CLVS1: variants seen among roughly 807,000 people sequenced by gnomAD.
The protein encoded by CLVS1 is clavesin-1.
A neutral mutation model predicts 33.1 loss-of-function variants in CLVS1; 10 were observed. The ratio of observed to expected loss-of-function variants is 0.30; its 90% confidence interval spans 0.19 to 0.51. The LOEUF is 0.51. Ranked by LOEUF, CLVS1 falls within the 20% of genes least tolerant of loss-of-function variation. The pLI, the probability that CLVS1 is intolerant of heterozygous loss-of-function variation, is 0.97. For synonymous variants in CLVS1, 163 were observed against 166.1 expected (o/e 0.98, Z 0.14); for missense variants, 343 against 433.4 (o/e 0.79, Z 1.85).
intron 2 of CLVS1, among the ~76,000 whole-genome samples, chr8:61,228,728 C>T (rs1280049064): frequency 6.6e-6 from 1 of 152,166 alleles, no homozygotes; most frequent in Non-Finnish European, 1.5e-5. Flanking sequence ...AACAGACTTT[C>T]CTTTTTTAAG....
At chr8:61,058,408 C>A (rs1307111617) in intron 1 of CLVS1, among the ~76,000 whole-genome samples, 1 of 152,146 alleles carries the variant, frequency 6.6e-6, no homozygotes, top group Non-Finnish European at 1.5e-5. Flanking sequence ...CTCTCTTTTT[C>A]TGGTCCAGAA....
chr8:61,106,980 C>T (rs1805549359), intron 1 of CLVS1, among the ~76,000 whole-genome samples: 2 of 152,144 alleles, frequency 1.3e-5, no homozygotes, highest in Admixed American at 1.3e-4. Context: ...GTGCTCAGGC[C>T]ATGACAGTTC....
intron 5 of CLVS1, among the ~76,000 whole-genome samples, chr8:61,480,952 G>C (rs765495157): frequency 6.6e-6 from 1 of 152,116 alleles, no homozygotes; most frequent in Non-Finnish European, 1.5e-5. Context: ...ACATGGAAGA[G>C]GAATATTGTT....
At chr8:61,010,896 C>T in the CLVS1 span, among the ~76,000 whole-genome samples, 1 of 152,220 alleles carries the variant, frequency 6.6e-6, no homozygotes, top group African/African-American at 2.4e-5. Flanking sequence ...AGCAGCGCAG[C>T]GCCTGGCTGG....
intron 2 of CLVS1, among the ~76,000 whole-genome samples, chr8:61,250,291 A>G (rs978278297): frequency 6.6e-6 from 1 of 152,196 alleles, no homozygotes; most frequent in African/African-American, 2.4e-5. Flanking sequence ...CTATTTTGGT[A>G]TCAGTACCAT....
rs1234421560 is a variant in CLVS1, at chr8:61,299,823, G to A, written c.-5G>A. On this transcript the variant is annotated 5_prime_UTR_variant, in exon 2 of 6. Transcript: ENST00000325897. ...GGGCCACAGTTTCAGCAGACCATCA[G>A]GTGAATGGGACCAGTCTCTCTTCTT... is the stretch of plus-strand genomic sequence containing the variant. The A allele has an allele frequency of 6.2e-7, 1 of 1,601,292 alleles. No homozygotes were observed. The highest frequency in any genetic ancestry group is 1.7e-5 in the Admixed American group (1 of 59,328).
At chr8:61,136,011 T>C (rs1806185942) in intron 2 of CLVS1, among the ~76,000 whole-genome samples, 1 of 152,238 alleles carries the variant, frequency 6.6e-6, no homozygotes, top group South Asian at 2.1e-4. Context: ...CACATCAGCA[T>C]CACTTGGGAA....
chr8:61,104,800 A>G (rs1805505038), intron 1 of CLVS1, among the ~76,000 whole-genome samples: 1 of 152,110 alleles, frequency 6.6e-6, no homozygotes, highest in Admixed American at 6.6e-5. Flanking sequence ...TACACTGTGT[A>G]CCACTGTGCT....
At chr8:61,495,478 A>G (rs1001190438) in intron 5 of CLVS1, among the ~76,000 whole-genome samples, 1 of 152,234 alleles carries the variant, frequency 6.6e-6, no homozygotes, top group Non-Finnish European at 1.5e-5. Context: ...TGGCTCCCAA[A>G]ACAGGGAAAG....
intron 2 of CLVS1, among the ~76,000 whole-genome samples, chr8:61,356,739 A>G (rs1812724276): frequency 6.6e-6 from 1 of 152,072 alleles, no homozygotes; most frequent in Admixed American, 6.6e-5. Context: ...GTGCGGCATT[A>G]TTTCTGAGGG....
intron 2 of CLVS1, among the ~76,000 whole-genome samples, chr8:61,341,098 A>G (rs2129598187): frequency 6.6e-6 from 1 of 152,356 alleles, no homozygotes; most frequent in South Asian, 2.1e-4. Context: ...CATACCTTTA[A>G]TGCACTGAAA....
intron 3 of CLVS1, among the ~76,000 whole-genome samples, chr8:61,448,713 A>C (rs988876243): frequency 8.2e-6 from 1 of 122,232 alleles, no homozygotes; most frequent in Admixed American, 8.0e-5. Context: ...CTCTCTCTCA[A>C]AAAAAAAAAA....
chr8:60,994,357 T>C, the CLVS1 span, among the ~76,000 whole-genome samples: 1 of 152,252 alleles, frequency 6.6e-6, no homozygotes, highest in East Asian at 1.9e-4. Context: ...CTTCAATATA[T>C]AAATTTGAGG....
Position 61,084,127 on chromosome 8 carries a change from A to T in CLVS1, c.-243+26897A>T, listed in dbSNP as rs137965597. Among the ~76,000 whole-genome samples the T allele has an allele frequency of 4.7e-3, 711 of 152,350 alleles. 9 individuals carry two copies. Among genetic ancestry groups the T allele is most frequent in the African/African-American group, 0.016 (675 of 41,578 alleles). On this transcript the variant is annotated intron_variant, in intron 1 of 2. Coordinates refer to the CLVS1 transcript ENST00000522621. The stretch of plus-strand genomic sequence containing the variant: ...GATTGAGAATTCAATACCAGACAAG[A>T]TAACACTTACCTGGCAGAATAAAAG...
At chr8:61,004,610 A>G in the CLVS1 span, among the ~76,000 whole-genome samples, 1 of 152,222 alleles carries the variant, frequency 6.6e-6, no homozygotes, top group South Asian at 2.1e-4. Flanking sequence ...GGCTCTGCAG[A>G]AGGGCAGGCT....
chr8:61,277,596 T>C (rs1197804441), intron 2 of CLVS1, among the ~76,000 whole-genome samples: 3 of 152,156 alleles, frequency 2.0e-5, no homozygotes, highest in East Asian at 1.9e-4. Flanking sequence ...AGGTGCTTTA[T>C]ATATATGGCC....
intron 2 of CLVS1, among the ~76,000 whole-genome samples, chr8:61,133,672 G>A (rs753009534): frequency 6.6e-6 from 1 of 152,114 alleles, no homozygotes; most frequent in African/African-American, 2.4e-5. Flanking sequence ...AAAACACATC[G>A]GAAGGATTGG....
chr8:61,257,466 T>C (rs1026724893), intron 2 of CLVS1, among the ~76,000 whole-genome samples: 1 of 152,234 alleles, frequency 6.6e-6, no homozygotes, highest in Non-Finnish European at 1.5e-5. Flanking sequence ...GTGAATGATT[T>C]TCAATGCCTT....
chr8:61,197,930 A>G (rs1041111893), intron 2 of CLVS1, among the ~76,000 whole-genome samples: 4 of 152,230 alleles, frequency 2.6e-5, no homozygotes, highest in African/African-American at 9.6e-5. Context: ...TTCCTGCTAC[A>G]CAGCCATTGC....
Sources: gnomAD v4.1 joint callset for allele counts (sites outside exome capture counted in the v4.1 genomes callset) on GRCh38, gnomAD v4.1.1 for gene constraint, MANE v1.5 for transcripts, NCBI Gene and HGNC (gene_info 2026-07-23, HGNC 2026-07-21) for gene names.